Variants in PDE3A observed in about 807,000 individuals in gnomAD.
PDE3A encodes phosphodiesterase 3A.
In PDE3A, 43 loss-of-function variants were observed where a neutral mutation model predicts 98.3. That is an observed-to-expected ratio of 0.44 (90% CI 0.34 to 0.56). PDE3A has a LOEUF of 0.56. Among genes scored for constraint, PDE3A ranks in the 20% least tolerant of loss-of-function variants. The pLI, the probability that PDE3A is intolerant of heterozygous loss-of-function variation, is 0.01. For missense variants in PDE3A, 1,427 were observed against 1,440.7 expected (o/e 0.99, Z 0.15); for synonymous variants, 663 against 567.9 (o/e 1.17, Z -2.38).
intron 1 of PDE3A, among the ~76,000 whole-genome samples, chr12:20,415,512 A>G (rs1163160873): frequency 6.6e-6 from 1 of 151,946 alleles, no homozygotes; most frequent in Non-Finnish European, 1.5e-5. Flanking sequence ...CCACCAGCTC[A>G]CTGCAACCAC....
chr12:20,615,183 C>T lies in PDE3A; in HGVS notation c.1270-1047C>T, dbSNP rs373449801. Reference sequence around the variant, plus strand: ...CCTCCCAAAGTGTTGGAATTACAGGCGTGAGCCACTGCGCCTGGCCCAGTT... The same window carrying T: ...CCTCCCAAAGTGTTGGAATTACAGGTGTGAGCCACTGCGCCTGGCCCAGTT... On this transcript the variant is annotated intron_variant, in intron 3 of 15. Transcript: ENST00000359062. Among the ~76,000 whole-genome samples the T allele has an allele frequency of 3.9e-5, 6 of 152,024 alleles. No individual in the cohort carries two copies. In the South Asian group the frequency reaches 8.3e-4, roughly 21 times the overall value.
chr12:20,394,746 A>G (rs1943976925), intron 1 of PDE3A, among the ~76,000 whole-genome samples: 1 of 152,004 alleles, frequency 6.6e-6, no homozygotes, highest in Non-Finnish European at 1.5e-5. Flanking sequence ...TCATGTTTTT[A>G]AGTAGGGTAT....
In PDE3A at chr12:20,378,808, G is replaced by A. The variant is rs1943615980; in HGVS notation, c.960+8564G>A. Among the ~76,000 whole-genome samples the A allele has an allele frequency of 4.0e-5, 6 of 151,440 alleles. No individual in the cohort carries two copies. The South Asian group carries it at 1.2e-3, about 31-fold the overall frequency. On this transcript the variant is annotated intron_variant, in intron 1 of 15. Transcript: ENST00000359062. ...GTTGATTTAAATTAATATAGAGGTT[G>A]TTCTGGTACTTTTTTTTTTGGTCAG...
At chr12:20,609,981 C>T (rs1041289490) in intron 2 of PDE3A, among the ~76,000 whole-genome samples, 1 of 151,856 alleles carries the variant, frequency 6.6e-6, no homozygotes, top group Admixed American at 6.6e-5. Flanking sequence ...CGGACATTGA[C>T]CTTGGCAATG....
intron 1 of PDE3A, among the ~76,000 whole-genome samples, chr12:20,446,944 G>A (rs1317831006): frequency 6.6e-6 from 1 of 152,116 alleles, no homozygotes; most frequent in Non-Finnish European, 1.5e-5. Context: ...CACAGGTGAG[G>A]GTGCATCAGT....
At chr12:20,471,169 A>T (rs908648000) in intron 1 of PDE3A, among the ~76,000 whole-genome samples, 17 of 151,096 alleles carry the variant, frequency 1.1e-4, no homozygotes, top group Non-Finnish European at 1.2e-4. Flanking sequence ...TTGATTCAAC[A>T]GTTCTGGAGA....
In PDE3A at chr12:20,630,080, C is replaced by T. The variant is rs146659677; in HGVS notation, c.1713C>T (p.Ala571=). ...SHRALTYTQS[A]PDLSPQILTP... Reference sequence around the variant, plus strand: ...GGGCCTTAACTTACACTCAGAGTGCCCCAGACCTATCCCCTCAAATCCTGA... The same window carrying T: ...GGGCCTTAACTTACACTCAGAGTGCTCCAGACCTATCCCCTCAAATCCTGA... The change falls in exon 6 of 16, where the codon GCC becomes GCT. Residue 571 remains alanine (A), a synonymous_variant. Coordinates refer to ENST00000359062, the MANE Select transcript of PDE3A (RefSeq NM_000921.5). The T allele has an allele frequency of 6.4e-5, 104 of 1,613,680 alleles. No homozygotes were observed. The highest frequency in any genetic ancestry group is 8.6e-5 in the Non-Finnish European group (101 of 1,179,856).
intron 1 of PDE3A, among the ~76,000 whole-genome samples, chr12:20,495,697 C>A (rs1025260942): frequency 5.9e-5 from 9 of 152,280 alleles, no homozygotes; most frequent in African/African-American, 1.9e-4. Flanking sequence ...CTTCAAGTTG[C>A]AGAACATCTC....
intron 1 of PDE3A, among the ~76,000 whole-genome samples, chr12:20,519,045 A>T (rs1592011492): frequency 1.5e-5 from 1 of 68,846 alleles, no homozygotes; most frequent in Non-Finnish European, 3.5e-5. Flanking sequence ...TCATAACTTT[A>T]GGGGTAGCAG....
At chr12:20,652,076 T>C (rs1944932312) in intron 14 of PDE3A, among the ~76,000 whole-genome samples, 2 of 152,182 alleles carry the variant, frequency 1.3e-5, no homozygotes, top group South Asian at 2.1e-4. Context: ...GTTTCATCCA[T>C]GTCCCTACAA....
At chr12:20,393,389 G>A (rs1943954048) in intron 1 of PDE3A, among the ~76,000 whole-genome samples, 1 of 151,878 alleles carries the variant, frequency 6.6e-6, no homozygotes, top group Non-Finnish European at 1.5e-5. Flanking sequence ...AGAACAGAAT[G>A]GGGGAAACTG....
At chr12:20,437,924 T>G (rs1944805647) in intron 1 of PDE3A, among the ~76,000 whole-genome samples, 2 of 152,208 alleles carry the variant, frequency 1.3e-5, no homozygotes, top group South Asian at 4.2e-4. Flanking sequence ...TAAATAAAGC[T>G]ATTTTCCCCC....
At position 20,672,398 on chromosome 12, in the gene PDE3A, T is replaced by C. The variant is rs1945507251; in HGVS notation, c.3185-7632T>C. Among the ~76,000 whole-genome samples, 3 of 77,302 alleles carry C rather than the reference T, an allele frequency of 3.9e-5. No homozygotes were observed. In the South Asian group the frequency reaches 1.4e-3, roughly 36 times the overall value. The allele number at this position is 77,302 out of a possible 152,430, so 50.7% of individuals were successfully genotyped here. A position where few individuals can be genotyped will look rare whatever the true frequency, so the allele number is the denominator to read the frequency against. On this transcript the variant is annotated intron_variant, in intron 15 of 15. Transcript: ENST00000359062. ...AGAGCCCGCATCGCCAAGTCAATCCTAAGCCAAAAGAACAAAGGCTGGAGG... is the reference window on the plus strand; with the variant it reads ...AGAGCCCGCATCGCCAAGTCAATCCCAAGCCAAAAGAACAAAGGCTGGAGG...
chr12:20,500,128 C>T (rs952372762), intron 1 of PDE3A, among the ~76,000 whole-genome samples: 1 of 152,132 alleles, frequency 6.6e-6, no homozygotes, highest in East Asian at 1.9e-4. Flanking sequence ...CAAAAATTCT[C>T]TTACTCAAAC....
In PDE3A at chr12:20,630,047, T is replaced by C. The variant is rs751139098; in HGVS notation, c.1680T>C (p.Gly560=). The C allele has an allele frequency of 1.2e-6, 2 of 1,613,914 alleles. No individual in the cohort carries two copies. The highest frequency in any genetic ancestry group is 3.3e-5 in the Admixed American group (2 of 59,984). The change falls in exon 6 of 16, where the codon GGT becomes GGC. Residue 560 remains glycine (G), a synonymous_variant. Transcript: ENST00000359062. Reference sequence around the variant, plus strand: ...ACACAACTGCCAAACAAAGCCTAGGTTCTCACAGGGCCTTAACTTACACTC... The same window carrying C: ...ACACAACTGCCAAACAAAGCCTAGGCTCTCACAGGGCCTTAACTTACACTC... ...SADTTAKQSL[G]SHRALTYTQS...
intron 15 of PDE3A, among the ~76,000 whole-genome samples, chr12:20,660,191 A>G (rs957472410): frequency 2.0e-5 from 3 of 152,164 alleles, no homozygotes; most frequent in African/African-American, 7.2e-5. Context: ...CTCTCTTTGT[A>G]TGACCATGTG....
intron 1 of PDE3A, among the ~76,000 whole-genome samples, chr12:20,383,799 G>A (rs182249151): frequency 1.8e-3 from 277 of 152,006 alleles, no homozygotes; most frequent in African/African-American, 6.1e-3. Flanking sequence ...AGGCCATGAG[G>A]GGTCACTGCA....
At chr12:20,610,203 G>A (rs1032045500) in intron 2 of PDE3A, among the ~76,000 whole-genome samples, 1 of 151,732 alleles carries the variant, frequency 6.6e-6, no homozygotes, top group Non-Finnish European at 1.5e-5. Context: ...ACACAATAGG[G>A]GAAAAATAAC....
chr12:20,600,971 A>G (rs1416902746), intron 2 of PDE3A, among the ~76,000 whole-genome samples: 1 of 152,188 alleles, frequency 6.6e-6, no homozygotes, highest in African/African-American at 2.4e-5. Flanking sequence ...GGTTTGGAGT[A>G]TGTTACTTAT....
Sources: allele counts gnomAD v4.1 joint callset (sites outside exome capture counted in the v4.1 genomes callset), GRCh38; gene constraint gnomAD v4.1.1; transcripts MANE v1.5; gene names NCBI Gene and HGNC (gene_info 2026-07-23, HGNC 2026-07-21).